Variants in RUNDC3A observed in about 807,000 individuals in gnomAD.
The protein encoded by RUNDC3A is RUN domain containing 3A.
RUNDC3A carries 28 observed loss-of-function variants against 53.9 expected under a neutral mutation model. The ratio of observed to expected loss-of-function variants is 0.52; its 90% CI spans 0.38 to 0.71. The LOEUF is 0.71. RUNDC3A is among the 30% of genes least tolerant of loss of function. The pLI is 0.00. For missense variants in RUNDC3A, 491 were observed against 597.3 expected (o/e 0.82, Z 1.85); for synonymous variants, 232 against 249.4 (o/e 0.93, Z 0.66).
rs2144704585 is a variant in RUNDC3A at position 44,318,199 on chromosome 17, C to T, written c.1302C>T (p.Ser434=). The T allele has an allele frequency of 1.3e-6, 2 of 1,551,350 alleles. No homozygotes were observed. The highest frequency in any genetic ancestry group is 1.7e-6 in the Non-Finnish European group (2 of 1,146,982). The change falls in exon 11 of 11, where the codon AGC becomes AGT. Residue 434 remains serine (S), a synonymous_variant. Transcript: ENST00000426726. The part of the protein sequence containing the change: ...ASFKSNECLV[S]DSPEGSPALS... ...TCAAATCCAACGAGTGCCTGGTGAG[C>T]GACAGTCCCGAGGGCAGCCCAGCAC...
At position 44,313,476 on chromosome 17, in the gene RUNDC3A, C is replaced by T. The variant is rs775142286; in HGVS notation, c.431C>T (p.Thr144Met). 9 of 1,612,806 alleles carry T rather than the reference C, an allele frequency of 5.6e-6. No homozygotes were observed. Among genetic ancestry groups the T allele is most frequent in the East Asian group, 2.2e-5 (1 of 44,844 alleles). ...MEKRMSEYIT[T>M]ALRDTRTTRR... ...AAGCGCATGTCAGAATACATCACCACGGCTCTGCGTGACACCCGGACCACC... is the reference window on the plus strand; with the variant it reads ...AAGCGCATGTCAGAATACATCACCATGGCTCTGCGTGACACCCGGACCACC... The change falls in exon 4 of 11, where the codon ACG becomes ATG. Residue 144 changes from threonine to methionine, a missense_variant. Transcript: ENST00000426726.
intron 4 of RUNDC3A, chr17:44,314,010 A>G: frequency 1.0e-6 from 1 of 992,258 alleles, no homozygotes; most frequent in Non-Finnish European, 1.2e-6. Context: ...ACCACTTGCA[A>G]GTCAAATCTA....
Position 44,315,214 on chromosome 17 carries a change from AC to A in RUNDC3A, c.690del (p.Asp230GlufsTer50). 1 of 1,553,590 alleles carries A rather than the reference AC, an allele frequency of 6.4e-7. No homozygotes were observed. Among genetic ancestry groups the A allele is most frequent in the Non-Finnish European group, 8.7e-7 (1 of 1,148,306 alleles). On this transcript the variant is annotated frameshift_variant, in exon 7 of 11. Transcript: ENST00000426726. LOFTEE classifies it high-confidence loss of function. This position sits in a 1 kb window ranked among gnomAD's most constrained non-coding sequence, Gnocchi z 6.1. ...AGCGCCGAGAGCAGCACGAGCGAGG[AC>A]AACTCGCCCGAGCACCCGTACCTCC... ...RHSAESSTSEDNSPEHPYLPL... is the reference protein window; with the variant it reads ...RHSAESSTSEXNSPEHPYLPL...
intron 4 of RUNDC3A, chr17:44,314,090 G>A (rs1349177634): frequency 1.4e-5 from 14 of 993,040 alleles, no homozygotes; most frequent in Non-Finnish European, 1.7e-5. Context: ...CCTCAGCCAT[G>A]CACCATCTCA....
At chr17:44,312,548 C>T (rs761806076) in intron 1 of RUNDC3A, 32 bp from the exon 2 acceptor site, 1 of 1,271,782 alleles carries the variant, frequency 7.9e-7, no homozygotes. Context: ...ACCTGACACC[C>T]CACTGCCCCA....
rs1188847577 is a variant in RUNDC3A at position 44,316,695 on chromosome 17, A to G, written c.1168A>G (p.Thr390Ala). ...GGACTCCCAGCGCCTGGGAGAGGGC[A>G]CGCGGGACGAGGAGCCCTGGGGTCC... ...SSDSQRLGEG[T>A]RDEEPWGPIG... Residue 390 changes from threonine (T) to alanine (A), a missense_variant, in exon 10 of 11, where the codon ACG becomes GCG. Physicochemically the swap from Thr to Ala is moderately conservative, Grantham distance 58. This residue lies in a region of RUNDC3A where 218 missense variants were observed against 208.2 expected (regional missense o/e 1.05). Transcript: ENST00000426726. The G allele has an allele frequency of 6.5e-7, 1 of 1,549,740 alleles. No individual in the cohort carries two copies. The highest frequency in any genetic ancestry group is 2.4e-5 in the East Asian group (1 of 40,906).
At chr17:44,314,674 T>TGGGGGGGGGGGGGG in intron 4 of RUNDC3A, 61 bp from the exon 5 acceptor site, 1 of 839,750 alleles carries the variant, frequency 1.2e-6, no homozygotes, top group Non-Finnish European at 1.6e-6. Context: ...ATAGCAGCTC[T>TGGGGGGGGGGGGGG]GGGGGGGGGG....
Position 44,308,958 on chromosome 17 carries a change from C to CG in RUNDC3A, c.107+24dup. On this transcript the variant is annotated intron_variant, in intron 1 of 10. Coordinates refer to ENST00000426726, the MANE Select transcript of RUNDC3A (RefSeq NM_001144825.2). ...TGTGCAGGTGGGCACCGCTAGTGGGCGGGGGCTGGGGTGGTGAGGGAGAGG... is the reference window on the plus strand; with the variant it reads ...TGTGCAGGTGGGCACCGCTAGTGGGCGGGGGGCTGGGGTGGTGAGGGAGAGG... 1 of 770,968 alleles carries CG rather than the reference C, an allele frequency of 1.3e-6. No homozygotes were observed. Among genetic ancestry groups the CG allele is most frequent in the Non-Finnish European group, 2.0e-6 (1 of 510,638 alleles). 47.8% of individuals were successfully genotyped at this position (770,968 alleles called of 1,614,324 possible).
In RUNDC3A at chr17:44,313,145, G is replaced by T. The variant is rs1159468963; in HGVS notation, c.265G>T (p.Gly89Trp). 1.2e-6 allele frequency: 2 copies of T among 1,613,942 alleles called. No homozygotes were observed. The highest frequency in any genetic ancestry group is 1.3e-5 in the African/African-American group (1 of 74,938). The change falls in exon 3 of 11, where the codon GGG becomes TGG. Residue 89 changes from glycine (G) to tryptophan (W), a missense_variant. Around this residue, in one of 2 missense-constraint regions of RUNDC3A, gnomAD observed 273 missense variants for 389.0 expected, o/e 0.70. Transcript: ENST00000426726. ...TCCAGTGAGCTGGTTCAGCTCAGAC[G>T]GGCAGCGGGGCTTTTGGGACTATAT... is the stretch of plus-strand genomic sequence containing the variant. ...AGPVSWFSSD[G>W]QRGFWDYIRL... is the part of the protein sequence containing the mutation.
chr17:44,318,117 T>G lies in RUNDC3A; in HGVS notation c.1220T>G (p.Met407Arg). ...GPIGKDPTPS[M>R]LGLCGSLASI... ...CCAGGGAAGGACCCCACGCCCTCCA[T>G]GCTGGGCCTCTGCGGCTCCCTGGCC... is the stretch of plus-strand genomic sequence containing the variant. Residue 407 changes from methionine (M) to arginine (R), a missense_variant, in exon 11 of 11, where the codon ATG (methionine) becomes AGG (arginine). Coordinates refer to ENST00000426726, the MANE Select transcript of RUNDC3A (RefSeq NM_001144825.2). The G allele has an allele frequency of 6.4e-7, 1 of 1,551,336 alleles. No homozygotes were observed. The highest frequency in any genetic ancestry group is 8.7e-7 in the Non-Finnish European group (1 of 1,146,820).
Position 44,314,680 on chromosome 17 carries a change from G to GA in RUNDC3A, c.459-55_459-54insA, listed in dbSNP as rs2047818888. 3.1e-6 allele frequency: 4 copies of GA among 1,299,822 alleles called. No individual in the cohort carries two copies. The Admixed American group carries it at 6.5e-5, about 21-fold the overall frequency. The allele number at this position is 1,299,822 out of a possible 1,614,324, so 80.5% of individuals were successfully genotyped here. On this transcript the variant is annotated intron_variant, in intron 4 of 10. Transcript: ENST00000426726. ...AAGCCAACAATAGCAGCTCTGGGGG[G>GA]GGGGGGGGCGCTCCAGGGGCCTGCT...
At chr17:44,312,460 C>G (rs1009050123) in intron 1 of RUNDC3A, 120 bp from the exon 2 acceptor site, 4 of 643,902 alleles carry the variant, frequency 6.2e-6, no homozygotes, top group Non-Finnish European at 1.1e-5. Flanking sequence ...CGCTCTGCCC[C>G]CCACCACATC....
Position 44,313,171 on chromosome 17 carries a change from C to T in RUNDC3A, c.291C>T (p.Ile97=). 2 of 1,614,058 alleles carry T rather than the reference C, an allele frequency of 1.2e-6. No homozygotes were observed. The highest frequency in any genetic ancestry group is 1.6e-4 in the Middle Eastern group (1 of 6,062). The change falls in exon 3 of 11, where the codon ATC becomes ATT. Residue 97 remains isoleucine (I), a synonymous_variant. Coordinates refer to ENST00000426726, the MANE Select transcript of RUNDC3A (RefSeq NM_001144825.2). The part of the protein sequence containing the change: ...SDGQRGFWDY[I]RLACSKVPNN... ...GGCAGCGGGGCTTTTGGGACTATATCCGGCTGGCCTGCAGCAAAGTGCCCA... is the reference window on the plus strand; with the variant it reads ...GGCAGCGGGGCTTTTGGGACTATATTCGGCTGGCCTGCAGCAAAGTGCCCA...
chr17:44,318,411 A>C lies in RUNDC3A; in HGVS notation c.*173A>C. 1 of 792,164 alleles carries C rather than the reference A, an allele frequency of 1.3e-6. No individual in the cohort carries two copies. The highest frequency in any genetic ancestry group is 1.9e-6 in the Non-Finnish European group (1 of 515,132). The allele number at this position is 792,164 out of a possible 1,614,324, so 49.1% of individuals were successfully genotyped here. A position where few individuals can be genotyped will look rare whatever the true frequency, so the allele number is the denominator to read the frequency against. On this transcript the variant is annotated 3_prime_UTR_variant, in exon 11 of 11. Transcript: ENST00000426726. ...CACCTTAGCTTTCTGCCTTGGCAGCACGGGCTGCGGAAGAAAGCACGCTGG... is the reference window on the plus strand; with the variant it reads ...CACCTTAGCTTTCTGCCTTGGCAGCCCGGGCTGCGGAAGAAAGCACGCTGG...
chr17:44,316,946 C>T, intron 10 of RUNDC3A: 1 of 480,548 alleles, frequency 2.1e-6, no homozygotes, highest in Non-Finnish European at 3.7e-6. Context: ...CCTCAGCCTC[C>T]CGAGTAGCTG....
rs1364258962 is a variant in RUNDC3A, at chr17:44,315,665, G to C, written c.953+56G>C. On this transcript the variant is annotated intron_variant, in intron 8 of 10. Coordinates refer to ENST00000426726, the MANE Select transcript of RUNDC3A (RefSeq NM_001144825.2). This position sits in a 1 kb window ranked among gnomAD's most constrained non-coding sequence, Gnocchi z 6.1. ...CCCCGCCGCCCCGACCACATCACCG[G>C]GTGAACCCCATCTTCACTTCCATCG... 5 of 1,334,660 alleles carry C rather than the reference G, an allele frequency of 3.7e-6. No homozygotes were observed. Among genetic ancestry groups the C allele is most frequent in the South Asian group, 1.9e-5 (1 of 53,544 alleles). The allele number at this position is 1,334,660 out of a possible 1,614,324, so 82.7% of individuals were successfully genotyped here.
intron 2 of RUNDC3A, 27 bp downstream of exon 2, chr17:44,312,722 G>A: frequency 7.9e-7 from 1 of 1,261,106 alleles, no homozygotes; most frequent in Non-Finnish European, 1.1e-6. Context: ...TCCCCCAGCG[G>A]TCCCTCCCCC....
chr17:44,311,795 C>A (rs765171653), intron 1 of RUNDC3A, among the ~76,000 whole-genome samples: 1 of 152,162 alleles, frequency 6.6e-6, no homozygotes, highest in African/African-American at 2.4e-5. Context: ...AGTCCTTCAG[C>A]CCCACAGGCT....
chr17:44,316,820 CTT>C (rs35019446), intron 10 of RUNDC3A, 95 bp downstream of exon 10: 57,236 of 390,866 alleles, frequency 0.15, 24 homozygotes, highest in East Asian at 0.21. Context: ...TTCTCTTAGT[CTT>C]TTTTTTTTTT....
Sources: allele counts gnomAD v4.1 joint callset (sites outside exome capture counted in the v4.1 genomes callset), GRCh38; gene constraint gnomAD v4.1.1; regional missense constraint gnomAD v4.1.1; non-coding constraint Gnocchi (gnomAD v3.1); transcripts MANE v1.5; gene names NCBI Gene and HGNC (gene_info 2026-07-23, HGNC 2026-07-21).